Variants in SAMD12 observed in about 807,000 individuals in gnomAD.
SAMD12 encodes sterile alpha motif domain-containing protein 12.
SAMD12 carries 9 observed loss-of-function variants against 15.0 expected under a neutral mutation model. That is an observed-to-expected ratio of 0.60 (90% CI 0.36 to 1.05). The LOEUF is 1.05. Among genes scored for constraint, SAMD12 ranks in the 50% least tolerant of loss-of-function variants. The probability of loss-of-function intolerance (pLI) is 0.01; values close to 1 mark genes in which losing one functional copy is unlikely to be tolerated. For synonymous variants in SAMD12, 86 were observed against 90.1 expected (o/e 0.96, Z 0.25); for missense variants, 230 against 234.2 (o/e 0.98, Z 0.12).
intron 4 of SAMD12, among the ~76,000 whole-genome samples, chr8:118,204,895 G>A (rs1819819796): frequency 1.3e-5 from 2 of 152,228 alleles, no homozygotes; most frequent in Admixed American, 1.3e-4. Flanking sequence ...TTAGTAAACT[G>A]GAAAGCACAA....
intron 1 of SAMD12, chr8:118,621,314 G>A (rs537078619): frequency 3.4e-4 from 62 of 183,744 alleles, no homozygotes; most frequent in Non-Finnish European, 5.0e-4. Flanking sequence ...ATCTGCGGCC[G>A]CCGCTGCTGG....
chr8:118,348,410 G>A (rs1817774898), intron 4 of SAMD12, among the ~76,000 whole-genome samples: 1 of 150,238 alleles, frequency 6.7e-6, no homozygotes, highest in East Asian at 1.9e-4. Context: ...TCGCTCTGTT[G>A]CCTAGGCTGG....
chr8:118,198,544 C>T (rs1424797336), intron 4 of SAMD12, among the ~76,000 whole-genome samples: 2 of 152,036 alleles, frequency 1.3e-5, no homozygotes, highest in Non-Finnish European at 2.9e-5. Flanking sequence ...GAGAGAAGCA[C>T]AGCAGGTATT....
chr8:118,491,037 G>A (rs775547412), intron 2 of SAMD12, among the ~76,000 whole-genome samples: 26 of 151,948 alleles, frequency 1.7e-4, no homozygotes, highest in Non-Finnish European at 2.8e-4. Context: ...CCATTGCCCC[G>A]GGGAAAAATA....
chr8:118,534,731 G>C (rs944145290), intron 2 of SAMD12, among the ~76,000 whole-genome samples: 1 of 152,060 alleles, frequency 6.6e-6, no homozygotes, highest in Admixed American at 6.6e-5. Flanking sequence ...CCAGTTGATC[G>C]AATCGGCTAC....
intron 1 of SAMD12, among the ~76,000 whole-genome samples, chr8:118,617,040 T>C (rs1406755950): frequency 6.6e-6 from 1 of 152,208 alleles, no homozygotes; most frequent in Non-Finnish European, 1.5e-5. Flanking sequence ...TAAGGACCAC[T>C]AGCATAGAGG....
chr8:118,172,843 C>T, the SAMD12 span, among the ~76,000 whole-genome samples: 1 of 152,032 alleles, frequency 6.6e-6, no homozygotes, highest in South Asian at 2.1e-4. Flanking sequence ...GTACAACAGA[C>T]CTCTCTTATT....
rs531117167 is a variant in SAMD12 at position 118,372,295 on chromosome 8, G to A, written c.433+7265C>T. Among the ~76,000 whole-genome samples the A allele has an allele frequency of 2.0e-5, 3 of 152,196 alleles. No homozygotes were observed. The South Asian group carries it at 6.2e-4, about 32-fold the overall frequency. On this transcript the variant is annotated intron_variant, in intron 4 of 4. Transcript: ENST00000409003. ...CTATTGCCTGGTCAATAGATACTGA[G>A]AAAATTTGCTTTGAATAAATGAGTT... is the stretch of plus-strand genomic sequence containing the variant.
At chr8:118,196,124 C>CAAA (rs1819554685) in exon 5 of SAMD12, 1 of 152,202 alleles carries the variant, frequency 6.6e-6, no homozygotes, top group African/African-American at 2.4e-5. Flanking sequence ...TCCTCCCTTT[C>CAAA]CGTCAGGTTT....
chr8:118,497,733 TG>T (rs1563895289), intron 2 of SAMD12, among the ~76,000 whole-genome samples: 2 of 26,302 alleles, frequency 7.6e-5, no homozygotes, highest in Middle Eastern at 0.031. Flanking sequence ...CGGGGGGGGG[TG>T]GGGGGAAAGA....
chr8:118,411,788 G>T (rs184605636), intron 3 of SAMD12, among the ~76,000 whole-genome samples: 10 of 152,170 alleles, frequency 6.6e-5, no homozygotes, highest in African/African-American at 2.2e-4. Flanking sequence ...AAATTCTACG[G>T]GGAGGGCTAA....
chr8:118,176,115 C>A, the SAMD12 span, among the ~76,000 whole-genome samples: 1 of 152,254 alleles, frequency 6.6e-6, no homozygotes, highest in South Asian at 2.1e-4. Context: ...TCCTGGCTAA[C>A]ACGGTGAAAC....
At chr8:118,200,985 A>G (rs1217920557) in intron 4 of SAMD12, among the ~76,000 whole-genome samples, 2 of 152,152 alleles carry the variant, frequency 1.3e-5, no homozygotes, top group Non-Finnish European at 2.9e-5. Flanking sequence ...ACACCCAGCT[A>G]CACACACCTG....
rs190486312 is a variant in SAMD12, at chr8:118,317,452, C to T, written c.433+62108G>A. 1.3e-4 allele frequency among the ~76,000 whole-genome samples: 20 copies of T among 152,104 alleles called. No individual in the cohort carries two copies. The East Asian group carries it at 2.5e-3, about 19-fold the overall frequency. On this transcript the variant is annotated intron_variant, in intron 4 of 4. Coordinates refer to the SAMD12 transcript ENST00000409003. ...TCACATGTTGAACAATTTTGAGTAA[C>T]GAATAAATGATCGAGAACTGCAGAC... is the stretch of plus-strand genomic sequence containing the variant.
At chr8:118,444,264 C>T (rs1026191736) in intron 2 of SAMD12, among the ~76,000 whole-genome samples, 2 of 152,084 alleles carry the variant, frequency 1.3e-5, no homozygotes, top group Non-Finnish European at 2.9e-5. Flanking sequence ...TCATGTCTAC[C>T]ACATCATTCT....
At chr8:118,238,638 A>G (rs531138050) in intron 4 of SAMD12, among the ~76,000 whole-genome samples, 7 of 152,162 alleles carry the variant, frequency 4.6e-5, no homozygotes, top group Non-Finnish European at 8.8e-5. Context: ...CATTCATTCT[A>G]TAAATATTTT....
chr8:118,375,629 C>T (rs1046668392), downstream of SAMD12: 4 of 152,102 alleles, frequency 2.6e-5, no homozygotes, highest in African/African-American at 9.7e-5. Context: ...GTGAGCACAG[C>T]AAAATGTGTT....
chr8:118,417,463 A>G (rs942243049), intron 3 of SAMD12, among the ~76,000 whole-genome samples: 1 of 152,216 alleles, frequency 6.6e-6, no homozygotes, highest in Non-Finnish European at 1.5e-5. Context: ...AGAGCTGGCC[A>G]TCTAGTAATA....
At chr8:118,581,008 A>G (rs1827284011) in intron 1 of SAMD12, 115 bp from the exon 2 acceptor site, 3 of 698,002 alleles carry the variant, frequency 4.3e-6, no homozygotes, top group South Asian at 2.1e-5. Flanking sequence ...ATGAGTCGAG[A>G]GGTGGTGTGA....
Sources: gnomAD v4.1 joint callset for allele counts (sites outside exome capture counted in the v4.1 genomes callset) on GRCh38, gnomAD v4.1.1 for gene constraint, MANE v1.5 for transcripts, NCBI Gene and HGNC (gene_info 2026-07-23, HGNC 2026-07-21) for gene names.